Variants in AMY2B observed in about 807,000 individuals in gnomAD.
The protein encoded by AMY2B is alpha-amylase 2B.
A neutral mutation model predicts 59.3 loss-of-function variants in AMY2B; 63 were observed. That is an observed-to-expected ratio of 1.06 (90% CI 0.87 to 1.31). The LOEUF is 1.31. Ranked by LOEUF, AMY2B falls within the 50% of genes most tolerant of loss-of-function variation. The probability of loss-of-function intolerance (pLI) is 0.00; values close to 1 mark genes in which losing one functional copy is unlikely to be tolerated. For missense variants in AMY2B, 635 were observed against 626.7 expected (o/e 1.01, Z -0.14); for synonymous variants, 180 against 198.1 (o/e 0.91, Z 0.77).
intron 7 of AMY2B, among the ~76,000 whole-genome samples, chr1:103,576,286 T>G (rs1652350822): frequency 1.3e-5 from 2 of 152,154 alleles, no homozygotes; most frequent in South Asian, 4.1e-4. Context: ...CTAGCTAGCT[T>G]TTTTTAGATT....
chr1:103,578,277 G>C (rs533436474), intron 9 of AMY2B, among the ~76,000 whole-genome samples: 1 of 152,214 alleles, frequency 6.6e-6, no homozygotes, highest in East Asian at 1.9e-4. Context: ...ACTGCTCTAT[G>C]TAGTTTTTTG....
chr1:103,562,758 TA>T (rs1402928236), intron 1 of AMY2B, among the ~76,000 whole-genome samples: 8 of 150,726 alleles, frequency 5.3e-5, no homozygotes, highest in South Asian at 2.1e-4. Context: ...CTACTTTGGA[TA>T]GGGGGAAAGA....
chr1:103,559,006 T>A (rs1651651282), intron 1 of AMY2B, among the ~76,000 whole-genome samples: 1 of 152,178 alleles, frequency 6.6e-6, no homozygotes, highest in South Asian at 2.1e-4. Flanking sequence ...TGAGATGATG[T>A]AAAAGTTACA....
Position 103,573,887 on chromosome 1 carries a change from T to G in AMY2B, c.693T>G (p.Asn231Lys), listed in dbSNP as rs1402149634. 6.2e-7 allele frequency: 1 copy of G among 1,613,824 alleles called. No individual in the cohort carries two copies. The highest frequency in any genetic ancestry group is 1.7e-5 in the Admixed American group (1 of 59,986). The change falls in exon 4 of 10, where the codon AAT becomes AAG. Residue 231 changes from asparagine (N) to lysine (K), a missense_variant. Physicochemically the swap from Asn to Lys is moderately conservative, Grantham distance 94. Coordinates refer to ENST00000684275, the MANE Select transcript of AMY2B (RefSeq NM_001387437.1). ...DIKAILDKLH[N>K]LNSNWFPAGS... ...AGGCAATTTTGGACAAACTGCATAATCTAAACAGTAACTGGTTCCCTGCAG... is the reference window on the plus strand; with the variant it reads ...AGGCAATTTTGGACAAACTGCATAAGCTAAACAGTAACTGGTTCCCTGCAG...
rs558718174 is a variant in AMY2B, at chr1:103,571,736, G to A, written c.134G>A (p.Arg45Gln). 1.6e-5 allele frequency: 26 copies of A among 1,611,926 alleles called. 1 individual carries two copies. The East Asian group carries it at 2.0e-4, about 12-fold the overall frequency. ...GTTGATATTGCTCTTGAATGTGAGC[G>A]ATATTTAGCTCCCAAGGGATTTGGA... is the stretch of plus-strand genomic sequence containing the variant. ...RWVDIALECERYLAPKGFGGV... is the reference protein window; with the variant it reads ...RWVDIALECEQYLAPKGFGGV... Residue 45 changes from arginine (R) to glutamine (Q), a missense_variant, in exon 1 of 10, where the codon CGA becomes CAA. Coordinates refer to ENST00000684275, the MANE Select transcript of AMY2B (RefSeq NM_001387437.1).
At position 103,574,350 on chromosome 1, in the gene AMY2B, A is replaced by G. The variant is rs1426146654; in HGVS notation, c.835A>G (p.Thr279Ala). 2 of 1,611,798 alleles carry G rather than the reference A, an allele frequency of 1.2e-6. No individual in the cohort carries two copies. Among genetic ancestry groups the G allele is most frequent in the Non-Finnish European group, 1.7e-6 (2 of 1,179,732 alleles). ...TEFKYGAKLG[T>A]VIRKWNGEKM... ...ATTCAAGTATGGTGCAAAACTCGGC[A>G]CAGTTATTCGCAAGTGGAATGGAGA... is the stretch of plus-strand genomic sequence containing the variant. The change falls in exon 5 of 10, where the codon ACA becomes GCA. Residue 279 changes from threonine (T) to alanine (A), a missense_variant. By Grantham distance (58) the Thr-to-Ala change is moderately conservative. Coordinates refer to ENST00000684275, the MANE Select transcript of AMY2B (RefSeq NM_001387437.1).
intron 1 of AMY2B, among the ~76,000 whole-genome samples, chr1:103,556,580 A>G (rs1456068452): frequency 6.6e-6 from 1 of 151,906 alleles, no homozygotes; most frequent in Non-Finnish European, 1.5e-5. Context: ...TACTAAGTAT[A>G]GTATACTAAG....
intron 1 of AMY2B, among the ~76,000 whole-genome samples, chr1:103,560,143 G>A (rs543571271): frequency 2.5e-4 from 38 of 152,168 alleles, no homozygotes; most frequent in Non-Finnish European, 4.4e-4. Context: ...CATTTGGTCA[G>A]GTTAATTAAA....
At position 103,573,692 on chromosome 1, in the gene AMY2B, A is replaced by T. The variant is rs1259604168; in HGVS notation, c.514-16A>T. On this transcript the variant is annotated splice_polypyrimidine_tract_variant and intron_variant, in intron 3 of 9. Coordinates refer to ENST00000684275, the MANE Select transcript of AMY2B (RefSeq NM_001387437.1). ...TGAGGTTTTATGAATCAATCATAACATTTTTACCTCAACAGGTCAGAGATT... is the reference window on the plus strand; with the variant it reads ...TGAGGTTTTATGAATCAATCATAACTTTTTTACCTCAACAGGTCAGAGATT... The T allele has an allele frequency of 1.2e-6, 2 of 1,613,422 alleles. No homozygotes were observed. The highest frequency in any genetic ancestry group is 2.7e-5 in the African/African-American group (2 of 74,890).
intron 5 of AMY2B, 40 bp from the exon 6 acceptor site, chr1:103,575,183 G>A: frequency 6.2e-7 from 1 of 1,611,816 alleles, no homozygotes; most frequent in Non-Finnish European, 8.5e-7. Flanking sequence ...AAACTATTGT[G>A]AAATGATACA....
intron 2 of AMY2B, among the ~76,000 whole-genome samples, chr1:103,572,842 A>G (rs560754768): frequency 6.3e-4 from 96 of 152,194 alleles, no homozygotes; most frequent in Non-Finnish European, 1.1e-3. Context: ...GGTTCTCTCA[A>G]TTTACCATTA....
At chr1:103,578,656 ATTTC>A (rs1406513759) in intron 9 of AMY2B, among the ~76,000 whole-genome samples, 1 of 152,092 alleles carries the variant, frequency 6.6e-6, no homozygotes, top group Non-Finnish European at 1.5e-5. Context: ...TAGTTCTTTA[ATTTC>A]TTTCTTTTGT....
intron 1 of AMY2B, among the ~76,000 whole-genome samples, chr1:103,561,179 A>G (rs1371279784): frequency 2.0e-5 from 3 of 152,178 alleles, no homozygotes; most frequent in Non-Finnish European, 2.9e-5. Flanking sequence ...AAATCCATAG[A>G]CTTTAATTTT....
Position 103,574,082 on chromosome 1 carries a change from G to C in AMY2B, c.744+144G>C, listed in dbSNP as rs1055336157. On this transcript the variant is annotated intron_variant, in intron 4 of 9. Transcript: ENST00000684275. Reference sequence around the variant, plus strand: ...TTCTTTAACCTCCTCTTCACATACAGCATATCTAATTCTTTATCACAAACA... The same window carrying C: ...TTCTTTAACCTCCTCTTCACATACACCATATCTAATTCTTTATCACAAACA... The C allele has an allele frequency of 1.8e-5, 27 of 1,507,234 alleles. No homozygotes were observed. In the African/African-American group the frequency reaches 2.4e-4, roughly 13 times the overall value. The allele number at this position is 1,507,234 out of a possible 1,614,324, so 93.4% of individuals were successfully genotyped here. A position where few individuals can be genotyped will look rare whatever the true frequency, so the allele number is the denominator to read the frequency against.
chr1:103,572,325 C>G lies in AMY2B; in HGVS notation c.315+69C>G, dbSNP rs1306332600. The G allele has an allele frequency of 6.4e-6, 10 of 1,556,102 alleles. No homozygotes were observed. In the East Asian group the frequency reaches 2.3e-4, roughly 35 times the overall value. The stretch of plus-strand genomic sequence containing the variant: ...TGATTTCTCTCTCTTCTTTCTTGCT[C>G]CTTTTCAGCAGAAAGTTTTCCATAT... On this transcript the variant is annotated intron_variant, in intron 2 of 9. Coordinates refer to ENST00000684275, the MANE Select transcript of AMY2B (RefSeq NM_001387437.1).
chr1:103,571,111 G>A (rs1652113670), upstream of AMY2B: 2 of 960,512 alleles, frequency 2.1e-6, no homozygotes, highest in Non-Finnish European at 2.6e-6. Flanking sequence ...CGGTCTGTCA[G>A]GGTTGGAAAG....
intron 1 of AMY2B, chr1:103,564,994 C>G (rs570733556): frequency 6.6e-6 from 1 of 152,094 alleles, no homozygotes; most frequent in African/African-American, 2.4e-5. Flanking sequence ...TCTCTATTCT[C>G]TTATATCTGA....
chr1:103,578,230 A>G (rs1312925269), intron 9 of AMY2B, among the ~76,000 whole-genome samples: 1 of 152,202 alleles, frequency 6.6e-6, no homozygotes, highest in Non-Finnish European at 1.5e-5. Flanking sequence ...CTGCCTGAGT[A>G]CTAATATATC....
At chr1:103,561,705 T>C (rs891673951) in intron 1 of AMY2B, 3 of 151,788 alleles carry the variant, frequency 2.0e-5, no homozygotes, top group Non-Finnish European at 2.9e-5. Flanking sequence ...GGAAAAGAAA[T>C]AGAGATTGCG....
Sources: allele counts gnomAD v4.1 joint callset (sites outside exome capture counted in the v4.1 genomes callset), GRCh38; gene constraint gnomAD v4.1.1; transcripts MANE v1.5; gene names NCBI Gene and HGNC (gene_info 2026-07-23, HGNC 2026-07-21).